The following BCAS3 variants were observed in gnomAD, a reference collection of about 807,000 sequenced individuals.
BCAS3 encodes BCAS3 microtubule associated cell migration factor, also known as BCAS4/BCAS3 fusion.
A neutral mutation model predicts 116.1 loss-of-function variants in BCAS3; 53 were observed. That is an observed-to-expected ratio of 0.46 (90% confidence interval 0.37 to 0.57). The LOEUF is 0.57. Among genes scored for constraint, BCAS3 ranks in the 20% least tolerant of loss-of-function variants. The pLI, the probability that BCAS3 is intolerant of heterozygous loss-of-function variation, is 0.00. For missense variants in BCAS3, 917 were observed against 1,165.4 expected (o/e 0.79, Z 3.10); for synonymous variants, 391 against 408.2 (o/e 0.96, Z 0.51).
At chr17:60,915,933 T>C (rs2058757018) in intron 12 of BCAS3, among the ~76,000 whole-genome samples, 1 of 152,056 alleles carries the variant, frequency 6.6e-6, no homozygotes, top group African/African-American at 2.4e-5. Context: ...TCTGCCCACC[T>C]CAGCCTCCCA....
rs1602605527 is a variant in BCAS3, at chr17:61,313,043, C to T, written c.2426-55284C>T. ...GTTAGACACTTCCCATCTTTCACCT[C>T]GTTGATCGCCTCAAAATCCCGTGAG... On this transcript the variant is annotated intron_variant, in intron 22 of 23. Coordinates refer to ENST00000407086, the MANE Select transcript of BCAS3 (RefSeq NM_017679.5). The surrounding 1 kb of genome is among the most constrained non-coding windows in gnomAD (Gnocchi z 4.3). Among the ~76,000 whole-genome samples, 2 of 152,220 alleles carry T rather than the reference C, an allele frequency of 1.3e-5. No individual in the cohort carries two copies. Among genetic ancestry groups the T allele is most frequent in the African/African-American group, 2.4e-5 (1 of 41,458 alleles).
chr17:60,798,126 A>C (rs2047381909), intron 6 of BCAS3, among the ~76,000 whole-genome samples: 1 of 152,218 alleles, frequency 6.6e-6, no homozygotes, highest in Admixed American at 6.5e-5. Context: ...TTTGTATCAT[A>C]GTGGTACATT....
intron 22 of BCAS3, among the ~76,000 whole-genome samples, chr17:61,165,267 A>G (rs1423851052): frequency 6.6e-6 from 1 of 152,224 alleles, no homozygotes; most frequent in Non-Finnish European, 1.5e-5. Flanking sequence ...AACTCACCAA[A>G]GAAGCCAGAT....
intron 14 of BCAS3, among the ~76,000 whole-genome samples, chr17:60,983,645 A>AG (rs2062950006): frequency 6.6e-6 from 1 of 152,152 alleles, no homozygotes; most frequent in Non-Finnish European, 1.5e-5. Flanking sequence ...CTATATCCTG[A>AG]GTAGTCTAAA....
chr17:61,357,277 TTAAA>T (rs1225130789), intron 22 of BCAS3, among the ~76,000 whole-genome samples: 266 of 144,842 alleles, frequency 1.8e-3, no homozygotes, highest in Admixed American at 5.5e-3. Flanking sequence ...AATTAATTAA[TTAAA>T]TAAATAAATA....
Position 61,059,423 on chromosome 17 carries a change from C to A in BCAS3, c.2030-15497C>A, listed in dbSNP as rs1482198349. Among the ~76,000 whole-genome samples the A allele has an allele frequency of 2.0e-5, 3 of 152,006 alleles. No individual in the cohort carries two copies. In the East Asian group the frequency reaches 5.8e-4, roughly 29 times the overall value. ...ATGGGTATTAATAATACCTACCTTACAGGATCATTGTTAGATAATATGAGA... is the reference window on the plus strand; with the variant it reads ...ATGGGTATTAATAATACCTACCTTAAAGGATCATTGTTAGATAATATGAGA... On this transcript the variant is annotated intron_variant, in intron 19 of 23. Transcript: ENST00000407086.
At chr17:61,357,571 G>A (rs2058223932) in intron 22 of BCAS3, among the ~76,000 whole-genome samples, 1 of 149,298 alleles carries the variant, frequency 6.7e-6, no homozygotes, top group Admixed American at 6.6e-5. Context: ...AGCCTCCTGA[G>A]TAGCTGGGGT....
rs1253913156 is a variant in BCAS3, at chr17:60,723,923, T to C, written c.321+14598T>C. Among the ~76,000 whole-genome samples, 5 of 151,284 alleles carry C rather than the reference T, an allele frequency of 3.3e-5. No homozygotes were observed. The South Asian group carries it at 6.3e-4, about 19-fold the overall frequency. ...TTTTAGTAGAGACGGGGTTTCACCA[T>C]ATTGGCCAGGCTGGTCTTGAACTCC... On this transcript the variant is annotated intron_variant, in intron 5 of 23. Coordinates refer to ENST00000407086, the MANE Select transcript of BCAS3 (RefSeq NM_017679.5).
chr17:60,999,561 A>AG lies in BCAS3; in HGVS notation c.1486+9326_1486+9327insG, dbSNP rs1461521207. On this transcript the variant is annotated intron_variant, in intron 15 of 23. Transcript: ENST00000407086. ...GACTGTGTCTCAAAAAAAAAAAAAA[A>AG]AAAGAAAAAGAAAAAGAAATGTGAT... is the stretch of plus-strand genomic sequence containing the variant. Among the ~76,000 whole-genome samples the AG allele has an allele frequency of 9.7e-3, 1,460 of 150,256 alleles. 41 individuals are homozygous for AG. The highest frequency in any genetic ancestry group is 0.035 in the African/African-American group (1,401 of 39,972).
At chr17:60,706,407 T>C (rs2143981578) in intron 4 of BCAS3, among the ~76,000 whole-genome samples, 1 of 152,232 alleles carries the variant, frequency 6.6e-6, no homozygotes, top group Admixed American at 6.5e-5. Context: ...TAATGGATAT[T>C]TTCTCTTCTG....
rs76648989 is a variant in BCAS3, at chr17:61,007,676, C to A, written c.1487-8075C>A. Among the ~76,000 whole-genome samples the A allele has an allele frequency of 0.054, 8,100 of 151,290 alleles. 755 individuals carry two copies. Among genetic ancestry groups the A allele is most frequent in the African/African-American group, 0.19 (7,625 of 41,150 alleles). On this transcript the variant is annotated intron_variant, in intron 15 of 23. Transcript: ENST00000407086. This position sits in a 1 kb window ranked among gnomAD's most constrained non-coding sequence, Gnocchi z 4.3. ...TATGTAGTGGGGAGAAGTGATGACA[C>A]TATCATTAATAATCTCAATCCCCAT... is the stretch of plus-strand genomic sequence containing the variant.
chr17:60,921,704 G>A, intron 12 of BCAS3, among the ~76,000 whole-genome samples: 1 of 151,802 alleles, frequency 6.6e-6, no homozygotes. Context: ...GAGTGGGGAG[G>A]GAGGAAGGAG....
intron 15 of BCAS3, among the ~76,000 whole-genome samples, chr17:61,003,450 G>T (rs1600384299): frequency 9.5e-6 from 1 of 104,910 alleles, no homozygotes; most frequent in African/African-American, 3.8e-5. Flanking sequence ...TTCCTTTCTT[G>T]TCTCCCTTTC....
intron 7 of BCAS3, among the ~76,000 whole-genome samples, chr17:60,825,527 TATA>T (rs889747090): frequency 1.3e-4 from 18 of 137,290 alleles, no homozygotes; most frequent in African/African-American, 4.6e-4. Flanking sequence ...TTATAAATAT[TATA>T]ATAATTTATA....
Position 61,004,724 on chromosome 17 carries a change from A to G in BCAS3, c.1487-11027A>G, listed in dbSNP as rs537103551. ...GGATTTAAGGTTCATTGAAAGAGTT[A>G]TTAACATTGGATGATGTGTTTTTGC... On this transcript the variant is annotated intron_variant, in intron 15 of 23. Coordinates refer to ENST00000407086, the MANE Select transcript of BCAS3 (RefSeq NM_017679.5). This position sits in a 1 kb window ranked among gnomAD's most constrained non-coding sequence, Gnocchi z 4.8. Among the ~76,000 whole-genome samples, 4 of 152,258 alleles carry G rather than the reference A, an allele frequency of 2.6e-5. No homozygotes were observed. The highest frequency in any genetic ancestry group is 6.5e-5 in the Admixed American group (1 of 15,272).
rs1311748747 is a variant in BCAS3 at position 61,083,698 on chromosome 17, C to G, written c.2328-769C>G. 6.6e-6 allele frequency among the ~76,000 whole-genome samples: 1 copy of G among 151,314 alleles called. No individual in the cohort carries two copies. The highest frequency in any genetic ancestry group is 1.5e-5 in the Non-Finnish European group (1 of 67,918). ...GCAACCTCTGGTTTTTGGGTTCCAG[C>G]AGTTCTCCTGCCTCAGCCTCTTGAG... is the stretch of plus-strand genomic sequence containing the variant. On this transcript the variant is annotated intron_variant, in intron 21 of 23. Coordinates refer to ENST00000407086, the MANE Select transcript of BCAS3 (RefSeq NM_017679.5). The surrounding 1 kb of genome is among the most constrained non-coding windows in gnomAD (Gnocchi z 4.9).
intron 16 of BCAS3, among the ~76,000 whole-genome samples, chr17:61,024,895 T>A (rs926274516): frequency 6.6e-6 from 1 of 152,046 alleles, no homozygotes; most frequent in African/African-American, 2.4e-5. Flanking sequence ...AATAAATCAA[T>A]ATGCTGATGT....
In BCAS3 at chr17:60,985,729, T is replaced by A. The variant is rs537610784; in HGVS notation, c.1222-4242T>A. On this transcript the variant is annotated intron_variant, in intron 14 of 23. Coordinates refer to ENST00000407086, the MANE Select transcript of BCAS3 (RefSeq NM_017679.5). ...CTACTCTCTATCTCCATGAGTTTAT[T>A]ATTTTGTTTTATTGATTGATTGATT... 2.2e-4 allele frequency among the ~76,000 whole-genome samples: 33 copies of A among 152,096 alleles called. No homozygotes were observed. In the South Asian group the frequency reaches 5.6e-3, roughly 26 times the overall value.
rs1430014986 is a variant in BCAS3 at position 61,376,015 on chromosome 17, C to A, written c.2593+7521C>A. 6.6e-6 allele frequency among the ~76,000 whole-genome samples: 1 copy of A among 152,192 alleles called. No homozygotes were observed. The highest frequency in any genetic ancestry group is 1.5e-5 in the Non-Finnish European group (1 of 68,034). Reference sequence around the variant, plus strand: ...AAGATGTGGTGGTGGTTAGAATTTTCTGCATCCCACATATTTTTAAAATCT... The same window carrying A: ...AAGATGTGGTGGTGGTTAGAATTTTATGCATCCCACATATTTTTAAAATCT... On this transcript the variant is annotated intron_variant, in intron 23 of 23. Transcript: ENST00000407086. The surrounding 1 kb of genome is among the most constrained non-coding windows in gnomAD (Gnocchi z 4.5).
Sources: allele counts gnomAD v4.1 joint callset (sites outside exome capture counted in the v4.1 genomes callset), GRCh38; gene constraint gnomAD v4.1.1; non-coding constraint Gnocchi (gnomAD v3.1); transcripts MANE v1.5; gene names NCBI Gene and HGNC (gene_info 2026-07-23, HGNC 2026-07-21).